Variants in PRMT8 observed in about 807,000 individuals in gnomAD.
The protein encoded by PRMT8 is protein arginine methyltransferase 8.
In PRMT8, 7 loss-of-function variants were observed where a neutral mutation model predicts 47.1. The observed-to-expected ratio is 0.15, with a 90% confidence interval of 0.08 to 0.28. The LOEUF (loss-of-function observed/expected upper bound fraction) is 0.28, where lower values mean the gene tolerates loss of function less well. Ranked by LOEUF, PRMT8 falls within the 10% of genes least tolerant of loss-of-function variation. The pLI is 1.00. For synonymous variants in PRMT8, 188 were observed against 186.5 expected (o/e 1.01, Z -0.07); for missense variants, 237 against 505.4 (o/e 0.47, Z 5.09).
chr12:3,565,188 A>G (rs941038577), intron 4 of PRMT8, among the ~76,000 whole-genome samples: 2 of 152,198 alleles, frequency 1.3e-5, no homozygotes, highest in Non-Finnish European at 2.9e-5. Context: ...CTTACACATA[A>G]CAAGTGCTCA....
chr12:3,529,440 T>C (rs79205864), intron 1 of PRMT8, among the ~76,000 whole-genome samples: 1 of 152,204 alleles, frequency 6.6e-6, no homozygotes. Flanking sequence ...TTGGAATCTG[T>C]ATTGGCTAAT....
Position 3,545,311 on chromosome 12 carries a change from C to T in PRMT8, c.261+4520C>T, listed in dbSNP as rs182302938. 6.6e-4 allele frequency among the ~76,000 whole-genome samples: 101 copies of T among 152,304 alleles called. 1 individual carries two copies. Among genetic ancestry groups the T allele is most frequent in the Non-Finnish European group, 1.1e-3 (75 of 68,028 alleles). ...TTAACCACTGTGCTGTATGGTTTTC[C>T]GGCTTACTGAGCACCTGCTATGCGC... On this transcript the variant is annotated intron_variant, in intron 2 of 9. Transcript: ENST00000382622.
In PRMT8 at chr12:3,564,576, G is replaced by C. The variant is rs1866687893; in HGVS notation, c.482-4130G>C. Among the ~76,000 whole-genome samples the C allele has an allele frequency of 6.6e-6, 1 of 152,206 alleles. No homozygotes were observed. Among genetic ancestry groups the C allele is most frequent in the South Asian group, 2.1e-4 (1 of 4,830 alleles). On this transcript the variant is annotated intron_variant, in intron 4 of 9. Transcript: ENST00000382622. The surrounding 1 kb of genome is among the most constrained non-coding windows in gnomAD (Gnocchi z 4.0). ...TCTATTGCTCCCTGCTGTGCATTTA[G>C]TTCTGATTAATCATTCTGTAATTTA...
At position 3,540,755 on chromosome 12, in the gene PRMT8, T is replaced by C. The variant is rs1385093246; in HGVS notation, c.225T>C (p.Tyr75=). ...LNPEEMTSRD[Y]YFDSYAHFGI... is the part of the protein sequence containing the mutation. ...CAGAGGAGATGACCTCGAGAGATTA[T>C]TACTTCGACTCCTATGCCCACTTTG... Residue 75 remains tyrosine (Y), a synonymous_variant, in exon 2 of 10, where the codon TAT becomes TAC. Coordinates refer to ENST00000382622, the MANE Select transcript of PRMT8 (RefSeq NM_019854.5). 6.2e-7 allele frequency: 1 copy of C among 1,614,138 alleles called. No homozygotes were observed. The highest frequency in any genetic ancestry group is 8.5e-7 in the Non-Finnish European group (1 of 1,179,998).
intron 1 of PRMT8, among the ~76,000 whole-genome samples, chr12:3,428,812 G>A (rs1186353033): frequency 6.9e-6 from 1 of 145,546 alleles, no homozygotes; most frequent in Non-Finnish European, 1.5e-5. Flanking sequence ...TTGTCTCTCT[G>A]TCTCTTCCTC....
chr12:3,417,419 T>G (rs1196540472), intron 1 of PRMT8, among the ~76,000 whole-genome samples: 1 of 152,166 alleles, frequency 6.6e-6, no homozygotes, highest in African/African-American at 2.4e-5. Context: ...AAGGAATTAT[T>G]GAGAATGCAG....
At chr12:3,454,805 G>A (rs1864956650) in intron 1 of PRMT8, among the ~76,000 whole-genome samples, 1 of 152,054 alleles carries the variant, frequency 6.6e-6, no homozygotes, top group Non-Finnish European at 1.5e-5. Context: ...CACAGACCCC[G>A]CTACAAGGTT....
chr12:3,397,485 C>G (rs78638834), intron 1 of PRMT8, among the ~76,000 whole-genome samples: 50,624 of 145,748 alleles, frequency 0.35, 9,860 homozygotes, highest in Middle Eastern at 0.38. Flanking sequence ...AGGTGTCAGT[C>G]TGCCCCTGCT....
intron 1 of PRMT8, among the ~76,000 whole-genome samples, chr12:3,417,927 G>C (rs750048245): frequency 6.6e-6 from 1 of 152,206 alleles, no homozygotes; most frequent in Non-Finnish European, 1.5e-5. Flanking sequence ...CTCCTTACCA[G>C]TTGGGGAACT....
At chr12:3,539,067 G>C (rs919825044) in intron 1 of PRMT8, among the ~76,000 whole-genome samples, 1 of 152,120 alleles carries the variant, frequency 6.6e-6, no homozygotes, top group Non-Finnish European at 1.5e-5. Context: ...CTGTGTCCTA[G>C]GATTCCCCTG....
intron 1 of PRMT8, among the ~76,000 whole-genome samples, chr12:3,395,020 T>C (rs1463319713): frequency 6.6e-6 from 1 of 151,942 alleles, no homozygotes; most frequent in Non-Finnish European, 1.5e-5. Context: ...TAGTATTCTC[T>C]GATGGTAGTT....
chr12:3,581,737 C>CAG (rs1046463730), intron 7 of PRMT8, among the ~76,000 whole-genome samples: 4 of 152,202 alleles, frequency 2.6e-5, no homozygotes, highest in African/African-American at 9.7e-5. Context: ...AATCAACAGT[C>CAG]AGAGAGCTTC....
At chr12:3,523,212 C>T (rs1021303537) in intron 1 of PRMT8, among the ~76,000 whole-genome samples, 1 of 152,152 alleles carries the variant, frequency 6.6e-6, no homozygotes, top group Admixed American at 6.5e-5. Context: ...TGGTAAACCA[C>T]CCAATTTCAA....
At chr12:3,543,909 G>A (rs543500801) in intron 2 of PRMT8, among the ~76,000 whole-genome samples, 11 of 152,300 alleles carry the variant, frequency 7.2e-5, no homozygotes, top group South Asian at 2.1e-4. Context: ...AAATCTCAGC[G>A]TCTCTAACAG....
intron 7 of PRMT8, among the ~76,000 whole-genome samples, chr12:3,582,220 T>C (rs1368335473): frequency 6.6e-6 from 1 of 152,206 alleles, no homozygotes; most frequent in Non-Finnish European, 1.5e-5. Context: ...CATTCTTCCA[T>C]AGAAAAGAAC....
At chr12:3,433,569 GGTGGACATA>G (rs1864705263) in intron 1 of PRMT8, among the ~76,000 whole-genome samples, 1 of 152,154 alleles carries the variant, frequency 6.6e-6, no homozygotes, top group South Asian at 2.1e-4. Context: ...GATACAGTGG[GGTGGACATA>G]GTGGAAGTTA....
In PRMT8 at chr12:3,458,578, A is replaced by G. The variant is rs139841627; in HGVS notation, c.48+77136A>G. Among the ~76,000 whole-genome samples the G allele has an allele frequency of 2.0e-5, 3 of 152,342 alleles. No homozygotes were observed. In the East Asian group the frequency reaches 5.8e-4, roughly 29 times the overall value. ...ACAGCAGCCAGTCCCAAAAGAGTTT[A>G]CATCTTGCTTTTTGAGCCAATCAGA... On this transcript the variant is annotated intron_variant, in intron 1 of 9. Transcript: ENST00000452611.
intron 1 of PRMT8, among the ~76,000 whole-genome samples, chr12:3,462,257 C>T (rs370864215): frequency 3.9e-5 from 6 of 152,092 alleles, no homozygotes; most frequent in South Asian, 2.1e-4. Context: ...TTCATTGCAG[C>T]GCTATTTACA....
intron 1 of PRMT8, among the ~76,000 whole-genome samples, chr12:3,507,547 C>T (rs1179659584): frequency 1.3e-5 from 2 of 152,068 alleles, no homozygotes; most frequent in African/African-American, 4.8e-5. Flanking sequence ...TGGGGAGGCT[C>T]AGTCAAAGGA....
Sources: gnomAD v4.1 joint callset for allele counts (sites outside exome capture counted in the v4.1 genomes callset) on GRCh38, gnomAD v4.1.1 for gene constraint, Gnocchi (gnomAD v3.1) non-coding constraint, MANE v1.5 for transcripts, NCBI Gene and HGNC (gene_info 2026-07-23, HGNC 2026-07-21) for gene names.